The following DSCAM variants were observed in gnomAD, a reference collection of about 807,000 sequenced individuals.
DSCAM encodes the protein DS cell adhesion molecule, also known as cell adhesion molecule DSCAM.
A neutral mutation model predicts 217.7 loss-of-function variants in DSCAM; 47 were observed. That is an observed-to-expected ratio of 0.22 (90% CI 0.17 to 0.28). DSCAM has a LOEUF of 0.28. Ranked by LOEUF, DSCAM falls within the 10% of genes least tolerant of loss-of-function variation. The pLI is 1.00. For synonymous variants in DSCAM, 1,056 were observed against 1,015.3 expected (o/e 1.04, Z -0.76); for missense variants, 2,080 against 2,618.3 (o/e 0.79, Z 4.49).
chr21:40,425,479 T>C (rs1288649713), intron 3 of DSCAM, among the ~76,000 whole-genome samples: 1 of 151,892 alleles, frequency 6.6e-6, no homozygotes, highest in Non-Finnish European at 1.5e-5. Context: ...GTTGTGTACA[T>C]GTACCTTAGA....
At chr21:40,669,590 ATTTT>A (rs34792774) in intron 3 of DSCAM, among the ~76,000 whole-genome samples, 4 of 5,244 alleles carry the variant, frequency 7.6e-4, no homozygotes, top group African/African-American at 1.2e-3. Flanking sequence ...TGTTATATAT[ATTTT>A]TTTTTTTTTT....
At chr21:40,428,667 C>G (rs1224079526) in intron 3 of DSCAM, among the ~76,000 whole-genome samples, 2 of 152,078 alleles carry the variant, frequency 1.3e-5, no homozygotes, top group African/African-American at 4.8e-5. Flanking sequence ...GAACTATCTC[C>G]AAACAGGATA....
intron 3 of DSCAM, among the ~76,000 whole-genome samples, chr21:40,500,167 G>A (rs2076160044): frequency 6.6e-6 from 1 of 152,086 alleles, no homozygotes; most frequent in South Asian, 2.1e-4. Context: ...AAAAGTCTCA[G>A]GACAACACAT....
In DSCAM at chr21:40,339,232, A is replaced by G; in HGVS notation, c.1394T>C (p.Val465Ala). The change falls in exon 7 of 33, where the codon GTG becomes GCG. Residue 465 changes from valine (V) to alanine (A), a missense_variant. Val to Ala is a moderately conservative substitution (Grantham distance 64). This residue lies in a region of DSCAM where 568 missense variants were observed against 678.1 expected (regional missense o/e 0.84). Coordinates refer to ENST00000400454, the MANE Select transcript of DSCAM (RefSeq NM_001389.5). ...GCTGGAGATGTTCAGGTAGCTGACCACGTTCCCCTCCGACGTGATCATCTG... is the reference window on the plus strand; with the variant it reads ...GCTGGAGATGTTCAGGTAGCTGACCGCGTTCCCCTCCGACGTGATCATCTG... ...ISQMITSEGN[V>A]VSYLNISSSQ... 1 of 1,614,154 alleles carries G rather than the reference A, an allele frequency of 6.2e-7. No homozygotes were observed. The highest frequency in any genetic ancestry group is 1.1e-5 in the South Asian group (1 of 91,084).
intron 20 of DSCAM, among the ~76,000 whole-genome samples, chr21:40,105,976 T>C (rs941999717): frequency 3.3e-5 from 5 of 152,198 alleles, no homozygotes; most frequent in African/African-American, 1.2e-4. Flanking sequence ...GGTGGATAAG[T>C]GTATTAGCCC....
chr21:40,360,034 G>A (rs1439102051), intron 4 of DSCAM, among the ~76,000 whole-genome samples: 1 of 150,042 alleles, frequency 6.7e-6, no homozygotes, highest in African/African-American at 2.5e-5. Context: ...TATATGTGCA[G>A]ATTTGTTACA....
intron 27 of DSCAM, among the ~76,000 whole-genome samples, chr21:40,067,001 C>A (rs553654674): frequency 1.3e-5 from 2 of 152,288 alleles, no homozygotes; most frequent in South Asian, 4.2e-4. Context: ...ATGAACCCAT[C>A]ATCAATTGAA....
intron 11 of DSCAM, among the ~76,000 whole-genome samples, chr21:40,271,124 T>C (rs1049477676): frequency 2.6e-5 from 4 of 152,214 alleles, no homozygotes; most frequent in Non-Finnish European, 2.9e-5. Context: ...TGCATGCACA[T>C]GTGTGCACTT....
chr21:40,375,856 C>A lies in DSCAM; in HGVS notation c.509-6611G>T, dbSNP rs576875255. Among the ~76,000 whole-genome samples, 38 of 152,300 alleles carry A rather than the reference C, an allele frequency of 2.5e-4. 1 individual carries two copies. In the South Asian group the frequency reaches 7.7e-3, roughly 31 times the overall value. ...AAGTACCTTTTTTTAGATTTCGGCACATTTCCTCATGTAGACTGCATAAAA... is the reference window on the plus strand; with the variant it reads ...AAGTACCTTTTTTTAGATTTCGGCAAATTTCCTCATGTAGACTGCATAAAA... On this transcript the variant is annotated intron_variant, in intron 3 of 32. Transcript: ENST00000400454.
At chr21:40,112,576 C>A in intron 20 of DSCAM, among the ~76,000 whole-genome samples, 1 of 152,148 alleles carries the variant, frequency 6.6e-6, no homozygotes, top group East Asian at 1.9e-4. Context: ...CAGAGCAGAA[C>A]TGAATGAAAT....
At chr21:40,810,272 T>C (rs1344170610) in intron 1 of DSCAM, among the ~76,000 whole-genome samples, 1 of 152,228 alleles carries the variant, frequency 6.6e-6, no homozygotes, top group Non-Finnish European at 1.5e-5. Flanking sequence ...CCCTCAGGTC[T>C]GTGCACAGGA....
At chr21:40,352,469 C>T (rs1313699639) in intron 5 of DSCAM, among the ~76,000 whole-genome samples, 1 of 151,812 alleles carries the variant, frequency 6.6e-6, no homozygotes, top group African/African-American at 2.4e-5. Context: ...GATAGAGAGT[C>T]ATTTGGATAT....
intron 11 of DSCAM, among the ~76,000 whole-genome samples, chr21:40,203,317 T>C (rs1183827970): frequency 6.6e-6 from 1 of 152,242 alleles, no homozygotes; most frequent in Admixed American, 6.5e-5. Context: ...TACCTGTTGT[T>C]TCTTTCCTTT....
chr21:40,210,461 G>A (rs1159874505), intron 11 of DSCAM, among the ~76,000 whole-genome samples: 1 of 152,180 alleles, frequency 6.6e-6, no homozygotes, highest in East Asian at 1.9e-4. Context: ...TTCCATAGCT[G>A]TGGTGCAATA....
intron 3 of DSCAM, among the ~76,000 whole-genome samples, chr21:40,479,458 G>C (rs368365726): frequency 6.6e-6 from 1 of 152,072 alleles, no homozygotes; most frequent in Non-Finnish European, 1.5e-5. Context: ...TCCAAGATTG[G>C]GTAATTTATA....
chr21:40,140,937 G>C (rs537842309), intron 18 of DSCAM, among the ~76,000 whole-genome samples: 3 of 91,812 alleles, frequency 3.3e-5, no homozygotes, highest in East Asian at 3.5e-4. Context: ...AGGAGGGCGG[G>C]GGGGGGTCCT....
chr21:40,055,598 T>C (rs2089002219), intron 29 of DSCAM, 127 bp downstream of exon 29: 1 of 678,610 alleles, frequency 1.5e-6, no homozygotes, highest in Non-Finnish European at 2.6e-6. Flanking sequence ...CTCTACCTTC[T>C]AGCTTTGGTA....
At chr21:40,304,686 G>A (rs771620915) in intron 9 of DSCAM, among the ~76,000 whole-genome samples, 1 of 152,186 alleles carries the variant, frequency 6.6e-6, no homozygotes, top group Non-Finnish European at 1.5e-5. Flanking sequence ...CCATTCATTG[G>A]CCTAATTTCA....
In DSCAM at chr21:40,819,632, G is replaced by A. The variant is rs750318536; in HGVS notation, c.43+26987C>T. Reference sequence around the variant, plus strand: ...GGGCCAAGCTGTTGTGATAAATCACGCAATCTAGCATGGATATATTGATCT... The same window carrying A: ...GGGCCAAGCTGTTGTGATAAATCACACAATCTAGCATGGATATATTGATCT... On this transcript the variant is annotated intron_variant, in intron 1 of 32. Transcript: ENST00000400454. Among the ~76,000 whole-genome samples, 28 of 152,198 alleles carry A rather than the reference G, an allele frequency of 1.8e-4. No homozygotes were observed. The East Asian group carries it at 4.1e-3, about 22-fold the overall frequency.
Sources: gnomAD v4.1 joint callset for allele counts (sites outside exome capture counted in the v4.1 genomes callset) on GRCh38, gnomAD v4.1.1 for gene constraint, gnomAD v4.1.1 regional missense constraint, MANE v1.5 for transcripts, NCBI Gene and HGNC (gene_info 2026-07-23, HGNC 2026-07-21) for gene names.